The following SLC9C2 variants were observed in gnomAD, a reference collection of about 807,000 sequenced individuals.
SLC9C2 encodes solute carrier family 9 member C2 (putative).
A neutral mutation model predicts 140.2 loss-of-function variants in SLC9C2; 75 were observed. That is an observed-to-expected ratio of 0.53 (90% CI 0.44 to 0.65). The LOEUF (loss-of-function observed/expected upper bound fraction) is 0.65. Among genes scored for constraint, SLC9C2 ranks in the 30% least tolerant of loss-of-function variants. SLC9C2 has a pLI of 0.00. For missense variants in SLC9C2, 1,074 were observed against 1,331.8 expected (o/e 0.81, Z 3.01); for synonymous variants, 375 against 420.9 (o/e 0.89, Z 1.34).
intron 13 of SLC9C2, among the ~76,000 whole-genome samples, chr1:173,541,251 A>T (rs1002245416): frequency 6.6e-6 from 1 of 152,198 alleles, no homozygotes; most frequent in African/African-American, 2.4e-5. Flanking sequence ...AAACATCAAA[A>T]GAGACAAAGG....
intron 4 of SLC9C2, among the ~76,000 whole-genome samples, chr1:173,595,962 G>A (rs1666429427): frequency 6.6e-6 from 1 of 152,016 alleles, no homozygotes; most frequent in South Asian, 2.1e-4. Context: ...CCATTCCCTA[G>A]CAACCAATGA....
At chr1:173,505,174 G>T in intron 26 of SLC9C2, 73 bp downstream of exon 26, 1 of 1,256,078 alleles carries the variant, frequency 8.0e-7, no homozygotes, top group Non-Finnish European at 1.1e-6. Context: ...CACTTTCTTA[G>T]AGTTAAAGGA....
chr1:173,526,794 T>G (rs546798070), intron 18 of SLC9C2, 80 bp from the exon 19 acceptor site: 1 of 990,272 alleles, frequency 1.0e-6, no homozygotes, highest in East Asian at 2.6e-5. Flanking sequence ...ATGCATTTCT[T>G]CTTATATTCC....
chr1:173,503,531 G>A (rs531772026), intron 26 of SLC9C2, among the ~76,000 whole-genome samples: 51 of 152,264 alleles, frequency 3.3e-4, no homozygotes, highest in African/African-American at 1.2e-3. Flanking sequence ...AAACTCATAT[G>A]AGAATAGGCA....
At chr1:173,566,684 T>C (rs1664493453) in intron 9 of SLC9C2, among the ~76,000 whole-genome samples, 5 of 151,992 alleles carry the variant, frequency 3.3e-5, no homozygotes, top group African/African-American at 9.7e-5. Context: ...TTATTTGTGC[T>C]CTAATATGTA....
chr1:173,516,594 T>G (rs983157821), intron 23 of SLC9C2, among the ~76,000 whole-genome samples: 3 of 152,244 alleles, frequency 2.0e-5, no homozygotes, highest in Non-Finnish European at 2.9e-5. Context: ...ATTAATTTAC[T>G]AAAGATAATG....
At chr1:173,501,947 C>A (rs1659303603) in intron 27 of SLC9C2, among the ~76,000 whole-genome samples, 1 of 152,012 alleles carries the variant, frequency 6.6e-6, no homozygotes, top group Non-Finnish European at 1.5e-5. Context: ...GGGTGGCTGT[C>A]TAGTTGGGGA....
intron 9 of SLC9C2, among the ~76,000 whole-genome samples, chr1:173,567,680 A>T (rs1242683069): frequency 6.6e-6 from 1 of 152,046 alleles, no homozygotes; most frequent in Non-Finnish European, 1.5e-5. Context: ...ATAAGTAAGG[A>T]CTTACTGCTA....
chr1:173,574,335 C>A (rs866292026), intron 8 of SLC9C2, among the ~76,000 whole-genome samples: 2 of 152,166 alleles, frequency 1.3e-5, no homozygotes, highest in African/African-American at 4.8e-5. Context: ...TCGATACACA[C>A]AGCATTACCC....
At chr1:173,566,881 C>T (rs1317349380) in intron 9 of SLC9C2, among the ~76,000 whole-genome samples, 1 of 150,164 alleles carries the variant, frequency 6.7e-6, no homozygotes, top group African/African-American at 2.4e-5. Context: ...TGTTGTGTTT[C>T]TATTATCATA....
At chr1:173,554,947 A>T in intron 10 of SLC9C2, 133 bp from the exon 11 acceptor site, 1 of 653,684 alleles carries the variant, frequency 1.5e-6, no homozygotes, top group Non-Finnish European at 2.6e-6. Context: ...GTTTCTGATA[A>T]GTCAGTTAAG....
At chr1:173,533,898 A>G (rs10912635) in intron 16 of SLC9C2, 101 bp from the exon 17 acceptor site, 284,696 of 1,271,710 alleles carry the variant, frequency 0.22, 37,322 homozygotes, top group East Asian at 0.64. Flanking sequence ...CAAATGAGTT[A>G]TATTCCGAAA....
intron 26 of SLC9C2, among the ~76,000 whole-genome samples, chr1:173,504,346 A>G (rs1053415455): frequency 6.6e-6 from 1 of 152,148 alleles, no homozygotes; most frequent in Admixed American, 6.5e-5. Flanking sequence ...TCACTCACCA[A>G]TTGGCACTTG....
Position 173,534,067 on chromosome 1 carries a change from A to G in SLC9C2, c.1975-270T>C, listed in dbSNP as rs1458453978. On this transcript the variant is annotated intron_variant, in intron 16 of 27. Transcript: ENST00000367714. ...ACAGATTCATTGCAATACTATTAAT[A>G]ATAAAGTATGAAATAGTAATGCTCA... Among the ~76,000 whole-genome samples the G allele has an allele frequency of 2.0e-5, 3 of 152,316 alleles. No homozygotes were observed. In the East Asian group the frequency reaches 5.8e-4, roughly 29 times the overall value.
chr1:173,534,214 C>T (rs944799234), intron 16 of SLC9C2, among the ~76,000 whole-genome samples: 10 of 152,082 alleles, frequency 6.6e-5, no homozygotes, highest in East Asian at 3.8e-4. Context: ...TTGAGGGAAA[C>T]GTCCATGTCT....
At chr1:173,566,808 G>T in intron 9 of SLC9C2, among the ~76,000 whole-genome samples, 1 of 147,776 alleles carries the variant, frequency 6.8e-6, no homozygotes, top group African/African-American at 2.5e-5. Flanking sequence ...TTTTGATGTA[G>T]GCACATGTAA....
At chr1:173,581,429 C>A (rs756601415) in intron 7 of SLC9C2, among the ~76,000 whole-genome samples, 3 of 152,210 alleles carry the variant, frequency 2.0e-5, no homozygotes, top group Admixed American at 2.0e-4. Context: ...TTTCTACAGT[C>A]TTCTCAATTT....
rs12085144 is a variant in SLC9C2 at position 173,521,938 on chromosome 1, G to T, written c.2641-539C>A. 2.1e-3 allele frequency among the ~76,000 whole-genome samples: 320 copies of T among 149,404 alleles called. 4 individuals carry two copies. Among genetic ancestry groups the T allele is most frequent in the African/African-American group, 7.5e-3 (305 of 40,448 alleles). On this transcript the variant is annotated intron_variant, in intron 21 of 27. Coordinates refer to ENST00000367714, the MANE Select transcript of SLC9C2 (RefSeq NM_178527.4). The stretch of plus-strand genomic sequence containing the variant: ...GAAAAGGCCGGGCGCGGTGGCTTAC[G>T]CCTGTAATCCCAGCACTGGGGAGGC...
chr1:173,553,144 T>C (rs945696967), intron 11 of SLC9C2, among the ~76,000 whole-genome samples: 8 of 152,194 alleles, frequency 5.3e-5, no homozygotes, highest in African/African-American at 1.9e-4. Context: ...AAGTAGAGCC[T>C]GAAGATGTGA....
Sources: allele counts gnomAD v4.1 joint callset (sites outside exome capture counted in the v4.1 genomes callset), GRCh38; gene constraint gnomAD v4.1.1; transcripts MANE v1.5; gene names NCBI Gene and HGNC (gene_info 2026-07-23, HGNC 2026-07-21).